Variants in IMMP2L observed in about 807,000 individuals in gnomAD.
IMMP2L encodes the protein inner mitochondrial membrane peptidase subunit 2.
Under a neutral mutation model 19.3 loss-of-function variants are expected in IMMP2L, and 18 were observed. That is an observed-to-expected ratio of 0.93 (90% CI 0.64 to 1.38). IMMP2L has a LOEUF of 1.38. Among genes scored for constraint, IMMP2L ranks in the 40% most tolerant of loss-of-function variants. The pLI is 0.00. For missense variants in IMMP2L, 233 were observed against 218.2 expected (o/e 1.07, Z -0.43); for synonymous variants, 76 against 73.0 (o/e 1.04, Z -0.21).
At chr7:111,162,829 C>T (rs1805414348) in intron 3 of IMMP2L, among the ~76,000 whole-genome samples, 1 of 151,910 alleles carries the variant, frequency 6.6e-6, no homozygotes, top group African/African-American at 2.4e-5. Context: ...TTTGTCTAGA[C>T]ACCCCCGCCC....
intron 3 of IMMP2L, among the ~76,000 whole-genome samples, chr7:111,304,245 C>G (rs1822580369): frequency 6.6e-6 from 1 of 151,992 alleles, no homozygotes; most frequent in African/African-American, 2.4e-5. Flanking sequence ...CCATTTCTGT[C>G]ATGAGATGAG....
chr7:110,762,690 G>C (rs559692269), intron 5 of IMMP2L, among the ~76,000 whole-genome samples: 73 of 152,224 alleles, frequency 4.8e-4, no homozygotes, highest in Middle Eastern at 3.4e-3. Context: ...ATCCTATGGA[G>C]GTTTCTAAGG....
intron 4 of IMMP2L, among the ~76,000 whole-genome samples, chr7:110,899,734 C>T (rs984840208): frequency 6.6e-6 from 1 of 152,066 alleles, no homozygotes; most frequent in Non-Finnish European, 1.5e-5. Flanking sequence ...AGGGTGCTAA[C>T]CTATGAATTC....
intron 4 of IMMP2L, among the ~76,000 whole-genome samples, chr7:110,908,377 A>C (rs1563072785): frequency 6.6e-6 from 1 of 152,208 alleles, no homozygotes. Flanking sequence ...AACTTGCCGG[A>C]TAACTGATTT....
chr7:111,205,494 T>G (rs879803370), intron 3 of IMMP2L, among the ~76,000 whole-genome samples: 1 of 152,188 alleles, frequency 6.6e-6, no homozygotes, highest in Non-Finnish European at 1.5e-5. Context: ...TCAGTTCCAT[T>G]GAACGTCACA....
intron 4 of IMMP2L, among the ~76,000 whole-genome samples, chr7:110,889,717 T>C (rs1312424492): frequency 1.5e-4 from 23 of 152,198 alleles, no homozygotes; most frequent in Admixed American, 1.5e-3. Flanking sequence ...TTATACAACA[T>C]AGTCTCTGGA....
intron 3 of IMMP2L, among the ~76,000 whole-genome samples, chr7:111,055,063 T>C (rs1793375800): frequency 1.3e-5 from 2 of 151,374 alleles, no homozygotes; most frequent in Non-Finnish European, 2.9e-5. Flanking sequence ...TTTTTTTTTT[T>C]TCCCAGAAAC....
chr7:110,984,464 C>G (rs1412711050), intron 3 of IMMP2L, among the ~76,000 whole-genome samples: 1 of 152,000 alleles, frequency 6.6e-6, no homozygotes, highest in Admixed American at 6.6e-5. Flanking sequence ...TGTGAATATA[C>G]TACACAAGAG....
chr7:111,136,248 GA>G (rs2129595962), intron 3 of IMMP2L, among the ~76,000 whole-genome samples: 1 of 152,162 alleles, frequency 6.6e-6, no homozygotes, highest in African/African-American at 2.4e-5. Flanking sequence ...GGCTAGTCTT[GA>G]ACTTCTGACC....
chr7:110,811,287 T>C (rs757439226), intron 5 of IMMP2L, among the ~76,000 whole-genome samples: 2 of 152,106 alleles, frequency 1.3e-5, no homozygotes, highest in Non-Finnish European at 1.5e-5. Context: ...CAAGGCTTAA[T>C]TGTTTAAAAA....
At chr7:110,753,522 G>A (rs1797855806) in intron 5 of IMMP2L, among the ~76,000 whole-genome samples, 1 of 151,976 alleles carries the variant, frequency 6.6e-6, no homozygotes, top group South Asian at 2.1e-4. Flanking sequence ...TCAATGAAAT[G>A]CTGAATTCTA....
chr7:110,992,153 T>TA (rs1822545390), intron 3 of IMMP2L, among the ~76,000 whole-genome samples: 1 of 152,154 alleles, frequency 6.6e-6, no homozygotes, highest in African/African-American at 2.4e-5. Flanking sequence ...GTTGAAGGTA[T>TA]AAAAAATCTT....
At chr7:110,831,072 T>C (rs1043844452) in intron 5 of IMMP2L, among the ~76,000 whole-genome samples, 4 of 152,144 alleles carry the variant, frequency 2.6e-5, no homozygotes, top group African/African-American at 7.2e-5. Context: ...TGGACAAATT[T>C]AGCTCCACGT....
intron 1 of IMMP2L, among the ~76,000 whole-genome samples, chr7:111,551,495 G>GGTTGTGTGT (rs969056140): frequency 6.9e-6 from 1 of 145,248 alleles, no homozygotes; most frequent in African/African-American, 2.5e-5. Context: ...GACTGTTAGA[G>GGTTGTGTGT]GTGTGTGTGT....
At chr7:110,736,020 G>T (rs1219698333) in intron 5 of IMMP2L, among the ~76,000 whole-genome samples, 1 of 152,058 alleles carries the variant, frequency 6.6e-6, no homozygotes, top group Non-Finnish European at 1.5e-5. Context: ...GCGCTCAGGG[G>T]TTCCTTCCCA....
intron 3 of IMMP2L, among the ~76,000 whole-genome samples, chr7:111,144,802 C>T (rs1470895512): frequency 6.6e-6 from 1 of 152,000 alleles, no homozygotes; most frequent in Non-Finnish European, 1.5e-5. Context: ...TAAACAATGT[C>T]GAGCAACACA....
chr7:111,422,488 G>T lies in IMMP2L; in HGVS notation c.239+64750C>A, dbSNP rs572041154. 3.9e-5 allele frequency among the ~76,000 whole-genome samples: 6 copies of T among 151,902 alleles called. No individual in the cohort carries two copies. The South Asian group carries it at 1.2e-3, about 32-fold the overall frequency. On this transcript the variant is annotated intron_variant, in intron 3 of 5. Transcript: ENST00000405709. ...ATTTTACTCTCTTTGTAGCAATTGT[G>T]AATGGGAGATCATTCATGATTTGGC...
chr7:111,429,982 G>C (rs1836466998), intron 3 of IMMP2L, among the ~76,000 whole-genome samples: 1 of 151,826 alleles, frequency 6.6e-6, no homozygotes, highest in African/African-American at 2.4e-5. Context: ...TAGCCAACTA[G>C]ACATGAGTTT....
At chr7:110,775,816 A>AT (rs1799346789) in intron 5 of IMMP2L, among the ~76,000 whole-genome samples, 1 of 152,062 alleles carries the variant, frequency 6.6e-6, no homozygotes, top group Admixed American at 6.6e-5. Context: ...TAAAAAAAAA[A>AT]CATGGGAATT....
Sources: gnomAD v4.1 joint callset for allele counts (sites outside exome capture counted in the v4.1 genomes callset) on GRCh38, gnomAD v4.1.1 for gene constraint, MANE v1.5 for transcripts, NCBI Gene and HGNC (gene_info 2026-07-23, HGNC 2026-07-21) for gene names.